UBR1: variants seen among roughly 807,000 people sequenced by gnomAD.
UBR1 encodes E3 ubiquitin-protein ligase UBR1.
A neutral mutation model predicts 242.1 loss-of-function variants in UBR1; 102 were observed. The observed-to-expected ratio is 0.42, with a 90% CI of 0.36 to 0.50. The LOEUF (loss-of-function observed/expected upper bound fraction) is 0.50, where lower values mean the gene tolerates loss of function less well. UBR1 is among the 20% of genes least tolerant of loss of function. The pLI is 0.01. For synonymous variants in UBR1, 675 were observed against 684.8 expected (o/e 0.99, Z 0.22); for missense variants, 1,772 against 2,101.8 (o/e 0.84, Z 3.07).
At chr15:42,976,989 A>G in intron 38 of UBR1, 122 bp from the exon 39 acceptor site, 1 of 1,125,714 alleles carries the variant, frequency 8.9e-7, no homozygotes, top group Non-Finnish European at 1.3e-6. Flanking sequence ...TTTTTAATAA[A>G]AACCATATTT....
intron 25 of UBR1, among the ~76,000 whole-genome samples, chr15:43,024,493 C>T (rs996518247): frequency 6.6e-6 from 1 of 152,110 alleles, no homozygotes; most frequent in Admixed American, 6.5e-5. Context: ...GACGTCTAGA[C>T]CTATCTTCAA....
At position 43,002,555 on chromosome 15, in the gene UBR1, C is replaced by T; in HGVS notation, c.3659G>A (p.Ser1220Asn). The T allele has an allele frequency of 6.2e-7, 1 of 1,613,746 alleles. No homozygotes were observed. Among genetic ancestry groups the T allele is most frequent in the African/African-American group, 1.3e-5 (1 of 75,010 alleles). Residue 1220 changes from serine to asparagine, a missense_variant and splice_region_variant, in exon 32 of 47, where the codon AGT becomes AAT. Transcript: ENST00000290650. ...AACCAAAACATAAATTAAAATATAC[C>T]TGTTTATCTTTTGAGGTTGCAAAGG... ...IIPLQPQKIN[S>N]ENADALAQLL...
At chr15:43,014,355 G>A (rs2032976036) in intron 29 of UBR1, among the ~76,000 whole-genome samples, 1 of 152,100 alleles carries the variant, frequency 6.6e-6, no homozygotes, top group African/African-American at 2.4e-5. Context: ...CGTCTGGGAT[G>A]TGAGGAGCCC....
intron 1 of UBR1, among the ~76,000 whole-genome samples, chr15:43,088,936 C>T (rs938391567): frequency 8.6e-5 from 13 of 151,228 alleles, no homozygotes; most frequent in African/African-American, 3.2e-4. Context: ...CCGAGGCGGG[C>T]GGATCACTTG....
At chr15:42,985,577 T>C (rs1297981923) in intron 35 of UBR1, among the ~76,000 whole-genome samples, 1 of 152,194 alleles carries the variant, frequency 6.6e-6, no homozygotes, top group Non-Finnish European at 1.5e-5. Flanking sequence ...GGTCTCGCAC[T>C]TCTGACCTTA....
chr15:43,073,994 T>C (rs1034338580), intron 4 of UBR1, among the ~76,000 whole-genome samples: 1 of 152,218 alleles, frequency 6.6e-6, no homozygotes, highest in Non-Finnish European at 1.5e-5. Context: ...AAATAATTCA[T>C]CTGTAAAACT....
chr15:43,045,758 T>C (rs2033477340), intron 14 of UBR1, among the ~76,000 whole-genome samples: 1 of 152,198 alleles, frequency 6.6e-6, no homozygotes, highest in African/African-American at 2.4e-5. Context: ...TGTGAAAACA[T>C]ATTTCTGTAA....
At chr15:43,022,290 G>A (rs1056790245) in intron 26 of UBR1, among the ~76,000 whole-genome samples, 1 of 151,828 alleles carries the variant, frequency 6.6e-6, no homozygotes, top group African/African-American at 2.4e-5. Context: ...CAAAATGAAC[G>A]TTATCATTCA....
At chr15:43,101,882 C>T (rs1438289835) in intron 1 of UBR1, among the ~76,000 whole-genome samples, 2 of 147,112 alleles carry the variant, frequency 1.4e-5, no homozygotes, top group Non-Finnish European at 3.0e-5. Flanking sequence ...GCAGGAGAAT[C>T]GCTTGAACCC....
chr15:43,087,608 G>T (rs1280969172), intron 1 of UBR1, among the ~76,000 whole-genome samples: 4 of 151,980 alleles, frequency 2.6e-5, no homozygotes, highest in African/African-American at 7.3e-5. Flanking sequence ...TTTAGATTAG[G>T]TATTACTATA....
At chr15:43,007,458 T>G (rs541787583) in intron 29 of UBR1, among the ~76,000 whole-genome samples, 174 bp from the exon 30 acceptor site, 35 of 152,144 alleles carry the variant, frequency 2.3e-4, no homozygotes, top group Non-Finnish European at 4.7e-4. Flanking sequence ...CTTTTATCAG[T>G]TATTTGCTTA....
At chr15:43,055,966 T>C (rs1567138506) in intron 11 of UBR1, among the ~76,000 whole-genome samples, 1 of 152,078 alleles carries the variant, frequency 6.6e-6, no homozygotes, top group African/African-American at 2.4e-5. Flanking sequence ...AGCAGAATCT[T>C]CCACTCTCCT....
Position 43,026,748 on chromosome 15 carries a change from G to A in UBR1, c.2433-85C>T, listed in dbSNP as rs1264624453. The A allele has an allele frequency of 2.5e-6, 3 of 1,204,460 alleles. No individual in the cohort carries two copies. The South Asian group carries it at 3.9e-5, about 16-fold the overall frequency. The allele number at this position is 1,204,460 out of a possible 1,614,324, so 74.6% of individuals were successfully genotyped here. On this transcript the variant is annotated intron_variant, in intron 22 of 46. Transcript: ENST00000290650. ...AAATAAAAACCTAAAAATTAATCTA[G>A]AAGTCAAATATACAGAAAAAAATTA...
chr15:42,997,487 G>A (rs2032657988), intron 33 of UBR1, among the ~76,000 whole-genome samples: 1 of 152,090 alleles, frequency 6.6e-6, no homozygotes, highest in Admixed American at 6.5e-5. Context: ...AAAAAGGTTG[G>A]GGACCATTGG....
intron 11 of UBR1, among the ~76,000 whole-genome samples, chr15:43,055,630 T>A (rs1423247010): frequency 1.3e-5 from 2 of 151,936 alleles, no homozygotes; most frequent in African/African-American, 2.4e-5. Context: ...AGAAAAGAAG[T>A]AGGGCTGGGC....
intron 29 of UBR1, among the ~76,000 whole-genome samples, chr15:43,012,886 C>T (rs1431633364): frequency 6.6e-6 from 1 of 152,102 alleles, no homozygotes; most frequent in African/African-American, 2.4e-5. Flanking sequence ...TATTCCAAAA[C>T]CAAAATTTTC....
At chr15:43,032,155 T>C (rs943774642) in intron 20 of UBR1, among the ~76,000 whole-genome samples, 10 of 152,232 alleles carry the variant, frequency 6.6e-5, no homozygotes, top group Non-Finnish European at 1.5e-4. Flanking sequence ...ATAGTGTTTC[T>C]GCAGCAAATA....
At position 43,030,062 on chromosome 15, in the gene UBR1, C is replaced by T. The variant is rs1567131023; in HGVS notation, c.2261G>A (p.Arg754His). The T allele has an allele frequency of 2.5e-6, 4 of 1,613,578 alleles. No individual in the cohort carries two copies. Among genetic ancestry groups the T allele is most frequent in the Non-Finnish European group, 2.5e-6 (3 of 1,179,798 alleles). Residue 754 changes from arginine to histidine, a missense_variant, in exon 21 of 47, where the codon CGT becomes CAT. Coordinates refer to ENST00000290650, the MANE Select transcript of UBR1 (RefSeq NM_174916.3). Reference protein sequence around the residue: ...LQVLIYIVGERYVPGVGNVTK... With the variant: ...LQVLIYIVGEHYVPGVGNVTK... Reference sequence around the variant, plus strand: ...CACATTTCCCACTCCAGGTACATAACGCTCACCTAGTTCAAATAATTAAAA... The same window carrying T: ...CACATTTCCCACTCCAGGTACATAATGCTCACCTAGTTCAAATAATTAAAA...
At chr15:43,014,250 C>T (rs1326603984) in intron 29 of UBR1, among the ~76,000 whole-genome samples, 4 of 152,220 alleles carry the variant, frequency 2.6e-5, no homozygotes, top group East Asian at 1.9e-4. Context: ...ACCTCCCAGC[C>T]GCCTGCCTTG....
Sources: allele counts gnomAD v4.1 joint callset (sites outside exome capture counted in the v4.1 genomes callset), GRCh38; gene constraint gnomAD v4.1.1; transcripts MANE v1.5; gene names NCBI Gene and HGNC (gene_info 2026-07-23, HGNC 2026-07-21).